Variants in NME6 observed in about 807,000 individuals in gnomAD.
NME6 encodes nucleoside diphosphate kinase 6, mitochondrial.
In NME6, 16 loss-of-function variants were observed where a neutral mutation model predicts 22.2. The ratio of observed to expected loss-of-function variants is 0.72; its 90% CI spans 0.49 to 1.09. The LOEUF is 1.09. Among genes scored for constraint, NME6 ranks in the 50% least tolerant of loss-of-function variants. NME6 has a pLI of 0.00. For synonymous variants in NME6, 58 were observed against 85.2 expected, an observed-to-expected ratio of 0.68 and a Z score of 1.76; for missense variants, 229 against 239.0, an observed-to-expected ratio of 0.96 and a Z score of 0.28.
intron 4 of NME6, chr3:48,295,584 C>A: frequency 3.8e-6 from 1 of 261,410 alleles, no homozygotes; most frequent in South Asian, 7.1e-5. Flanking sequence ...CTCTGTTGCC[C>A]AGGCTAGAGT....
chr3:48,294,895 G>C, intron 5 of NME6, 92 bp from the exon 6 acceptor site: 1 of 1,456,404 alleles, frequency 6.9e-7, no homozygotes, highest in Non-Finnish European at 9.4e-7. Context: ...CCTCTACTCT[G>C]CCTGCCCCTT....
downstream of NME6, chr3:48,292,025 A>AG (rs1195789919): frequency 1.3e-5 from 2 of 152,242 alleles, no homozygotes; most frequent in African/African-American, 4.8e-5. Context: ...TTGGCCTCCC[A>AG]AAGTGCTGGG....
At position 48,294,348 on chromosome 3, in the gene NME6, A is replaced by G. The variant is rs932074757; in HGVS notation, c.*289T>C. 7.2e-5 allele frequency: 20 copies of G among 277,010 alleles called. No individual in the cohort carries two copies. Among genetic ancestry groups the G allele is most frequent in the Middle Eastern group, 1.2e-3 (1 of 848 alleles). 17.2% of individuals were successfully genotyped at this position (277,010 alleles called of 1,614,324 possible). On this transcript the variant is annotated 3_prime_UTR_variant, in exon 6 of 6. Transcript: ENST00000442597. Reference sequence around the variant, plus strand: ...CGGCCTCCCAAAGTGCTGGGATTATAGGCGTGAGCCACCGTGCCCGGCCTG... The same window carrying G: ...CGGCCTCCCAAAGTGCTGGGATTATGGGCGTGAGCCACCGTGCCCGGCCTG...
chr3:48,289,505 G>A (rs1008089911), downstream of NME6, among the ~76,000 whole-genome samples: 12 of 152,190 alleles, frequency 7.9e-5, no homozygotes, highest in Admixed American at 2.6e-4. Context: ...TGGAGCAGTG[G>A]ATGTGGAGAG....
chr3:48,299,206 G>T, intron 1 of NME6: 2 of 477,170 alleles, frequency 4.2e-6, no homozygotes, highest in Non-Finnish European at 7.4e-6. Context: ...TGACACAAAG[G>T]TGCTTGATCA....
chr3:48,298,147 C>G, intron 2 of NME6: 1 of 438,858 alleles, frequency 2.3e-6, no homozygotes, highest in African/African-American at 2.0e-5. Context: ...TTTAAGCTCT[C>G]AAGTCTGGAG....
chr3:48,300,669 CTAAGT>C (rs1367525138), intron 1 of NME6: 2 of 236,454 alleles, frequency 8.5e-6, no homozygotes, highest in Admixed American at 1.1e-4. Context: ...ACTAACGCAG[CTAAGT>C]TGTGGCTGTC....
At position 48,296,243 on chromosome 3, in the gene NME6, T is replaced by A. The variant is rs2035087350; in HGVS notation, c.194-85A>T. On this transcript the variant is annotated intron_variant, in intron 3 of 5. Coordinates refer to ENST00000442597, the MANE Select transcript of NME6 (RefSeq NM_001308426.2). Reference sequence around the variant, plus strand: ...TGTACTTCTACCTCCTTACCTAGAATAATAAAAATTGTTTCAGAGAAAAGA... The same window carrying A: ...TGTACTTCTACCTCCTTACCTAGAAAAATAAAAATTGTTTCAGAGAAAAGA... 8 of 1,585,340 alleles carry A rather than the reference T, an allele frequency of 5.0e-6. No homozygotes were observed. In the East Asian group the frequency reaches 9.0e-5, roughly 18 times the overall value.
At chr3:48,296,259 A>T in intron 3 of NME6, 101 bp from the exon 4 acceptor site, 3 of 1,542,848 alleles carry the variant, frequency 1.9e-6, no homozygotes, top group Non-Finnish European at 2.7e-6. Context: ...AAATTGTTTC[A>T]GAGAAAAGAA....
At chr3:48,290,436 T>G (rs1403055993), downstream of NME6, among the ~76,000 whole-genome samples, 6 of 152,232 alleles carry the variant, frequency 3.9e-5, no homozygotes, top group African/African-American at 1.4e-4. Context: ...CTAGTTAACA[T>G]ATCCATCACT....
At position 48,295,389 on chromosome 3, in the gene NME6, GC is replaced by G. The variant is rs2034979464; in HGVS notation, c.234-155del. 2.5e-5 allele frequency: 20 copies of G among 802,366 alleles called. 1 individual carries two copies. In the South Asian group the frequency reaches 2.8e-4, roughly 11 times the overall value. The allele number at this position is 802,366 out of a possible 1,614,324, so 49.7% of individuals were successfully genotyped here. On this transcript the variant is annotated intron_variant, in intron 4 of 5. Coordinates refer to ENST00000442597, the MANE Select transcript of NME6 (RefSeq NM_001308426.2). ...TGCTGCTTCAAATAGGTGATGCAGG[GC>G]CCCTGCTGGTGTACATCAAGCCTGC...
chr3:48,295,646 A>T, intron 4 of NME6: 1 of 239,440 alleles, frequency 4.2e-6, no homozygotes, highest in Non-Finnish European at 8.1e-6. Context: ...AATTCAAGTG[A>T]TTCTCCTGCC....
intron 2 of NME6, chr3:48,298,035 C>G (rs187714093): frequency 2.9e-5 from 8 of 280,196 alleles, no homozygotes; most frequent in Non-Finnish European, 4.1e-5. Flanking sequence ...ACCTGGTCAG[C>G]CAATACCTTG....
chr3:48,297,153 T>C (rs2035204824), intron 2 of NME6, among the ~76,000 whole-genome samples: 2 of 152,206 alleles, frequency 1.3e-5, no homozygotes, highest in African/African-American at 4.8e-5. Flanking sequence ...CCATCACACT[T>C]GATAGATGAG....
chr3:48,296,641 G>T, intron 3 of NME6, 86 bp downstream of exon 3: 6 of 915,414 alleles, frequency 6.6e-6, no homozygotes, highest in Non-Finnish European at 1.0e-5. Context: ...GTAGGTCAGA[G>T]AGCCTGCCAT....
Position 48,301,363 on chromosome 3 carries a change from G to C in NME6, c.-18C>G, listed in dbSNP as rs1177994720. On this transcript the variant is annotated 5_prime_UTR_variant, in exon 1 of 6. Transcript: ENST00000442597. ...CGGCTGCGGGTTCACCTTGTCCTCCGGCACAGGGCCCGGCCACCAGGCGCC... is the reference window on the plus strand; with the variant it reads ...CGGCTGCGGGTTCACCTTGTCCTCCCGCACAGGGCCCGGCCACCAGGCGCC... 3.8e-6 allele frequency: 6 copies of C among 1,558,908 alleles called. No individual in the cohort carries two copies. The highest frequency in any genetic ancestry group is 3.8e-5 in the Admixed American group (2 of 51,984).
At chr3:48,295,332 A>G (rs2034972833) in intron 4 of NME6, 97 bp from the exon 5 acceptor site, 44 of 1,356,918 alleles carry the variant, frequency 3.2e-5, no homozygotes, top group Non-Finnish European at 4.4e-5. Context: ...CTACGTTCTG[A>G]GAGTTTTCCT....
downstream of NME6, chr3:48,291,299 T>C (rs2034441541): frequency 2.3e-6 from 1 of 443,988 alleles, no homozygotes; most frequent in Non-Finnish European, 4.4e-6. Flanking sequence ...TTTATCATTT[T>C]CTTTAAGCCT....
intron 3 of NME6, 81 bp downstream of exon 3, chr3:48,296,646 T>A: frequency 4.1e-6 from 4 of 968,836 alleles, no homozygotes; most frequent in Non-Finnish European, 6.3e-6. Flanking sequence ...TCAGAGAGCC[T>A]GCCATTGTGT....
Sources: allele counts gnomAD v4.1 joint callset (sites outside exome capture counted in the v4.1 genomes callset), GRCh38; gene constraint gnomAD v4.1.1; transcripts MANE v1.5; gene names NCBI Gene and HGNC (gene_info 2026-07-23, HGNC 2026-07-21).